SOX6: variants seen among roughly 807,000 people sequenced by gnomAD.
The protein encoded by SOX6 is transcription factor SOX-6.
Under a neutral mutation model 97.8 loss-of-function variants are expected in SOX6, and 11 were observed. The observed-to-expected ratio is 0.11, with a 90% CI of 0.07 to 0.19. The LOEUF is 0.19. Among genes scored for constraint, SOX6 ranks in the 10% least tolerant of loss-of-function variants. The probability of loss-of-function intolerance (pLI) is 1.00; values close to 1 mark genes in which losing one functional copy is unlikely to be tolerated. For missense variants in SOX6, 810 were observed against 1,039.5 expected (o/e 0.78, Z 3.04); for synonymous variants, 360 against 371.4 (o/e 0.97, Z 0.35).
intron 3 of SOX6, among the ~76,000 whole-genome samples, chr11:16,660,585 A>G (rs1847758695): frequency 6.6e-6 from 1 of 152,232 alleles, no homozygotes; most frequent in Non-Finnish European, 1.5e-5. Flanking sequence ...AGTATTCTCT[A>G]AATATCTGCT....
At chr11:16,582,771 T>C (rs1848042975) in intron 4 of SOX6, among the ~76,000 whole-genome samples, 1 of 152,068 alleles carries the variant, frequency 6.6e-6, no homozygotes, top group Non-Finnish European at 1.5e-5. Flanking sequence ...CAAGAAAGAA[T>C]AGAAAATATG....
intron 4 of SOX6, among the ~76,000 whole-genome samples, chr11:16,531,904 T>A (rs746164971): frequency 6.6e-6 from 1 of 151,958 alleles, no homozygotes; most frequent in African/African-American, 2.4e-5. Flanking sequence ...TTTTTCCTCA[T>A]GACATCCAAT....
At chr11:16,494,409 G>A (rs950874205) in intron 4 of SOX6, among the ~76,000 whole-genome samples, 2 of 152,026 alleles carry the variant, frequency 1.3e-5, no homozygotes, top group African/African-American at 4.8e-5. Context: ...TAAATAAAAT[G>A]AATGAGAAAG....
At chr11:16,523,419 G>A (rs1390466919) in intron 4 of SOX6, among the ~76,000 whole-genome samples, 1 of 152,152 alleles carries the variant, frequency 6.6e-6, no homozygotes, top group Non-Finnish European at 1.5e-5. Context: ...AAATAAAGAT[G>A]TTCTTTGAAA....
intron 3 of SOX6, among the ~76,000 whole-genome samples, chr11:16,631,703 T>G (rs10832655): frequency 0.33 from 50,682 of 151,994 alleles, 9,389 homozygotes; most frequent in Non-Finnish European, 0.42. Context: ...TCTCTTTATC[T>G]CTCAGAAATG....
At chr11:16,163,545 A>G (rs1394401866) in intron 6 of SOX6, among the ~76,000 whole-genome samples, 1 of 152,232 alleles carries the variant, frequency 6.6e-6, no homozygotes, top group East Asian at 1.9e-4. Flanking sequence ...CCAATATCTC[A>G]GGAAAAACAA....
intron 4 of SOX6, among the ~76,000 whole-genome samples, chr11:16,575,061 C>G (rs1847970192): frequency 6.7e-6 from 1 of 149,772 alleles, no homozygotes. Context: ...AAAAAAAAGG[C>G]AATGACCCAA....
At chr11:16,393,677 A>G (rs936428900) in intron 1 of SOX6, among the ~76,000 whole-genome samples, 4 of 152,012 alleles carry the variant, frequency 2.6e-5, no homozygotes, top group African/African-American at 9.7e-5. Context: ...TCAGGCAAGG[A>G]ATTAACCACT....
intron 14 of SOX6, among the ~76,000 whole-genome samples, chr11:15,988,510 C>T (rs984334308): frequency 6.6e-6 from 1 of 152,188 alleles, no homozygotes; most frequent in Admixed American, 6.5e-5. Context: ...CCATGAATTT[C>T]ATACCATTTT....
rs189334320 is a variant in SOX6 at position 16,115,610 on chromosome 11, A to T, written c.778-3687T>A. 6.6e-5 allele frequency among the ~76,000 whole-genome samples: 10 copies of T among 152,292 alleles called. No individual in the cohort carries two copies. The South Asian group carries it at 1.9e-3, about 28-fold the overall frequency. ...CTAATCCAAAGCTCACAATTTACACATAGGAAAACAGGTGGCTAGAGAAGG... is the reference window on the plus strand; with the variant it reads ...CTAATCCAAAGCTCACAATTTACACTTAGGAAAACAGGTGGCTAGAGAAGG... On this transcript the variant is annotated intron_variant, in intron 6 of 15. Transcript: ENST00000683767.
intron 3 of SOX6, among the ~76,000 whole-genome samples, chr11:16,653,269 A>G (rs954883590): frequency 2.0e-5 from 3 of 152,204 alleles, no homozygotes; most frequent in African/African-American, 7.2e-5. Flanking sequence ...ACTATTGGGT[A>G]TCTACCCAGA....
rs184563937 is a variant in SOX6, at chr11:16,616,752, G to A, written n.430-4492C>T. On this transcript the variant is annotated intron_variant and non_coding_transcript_variant, in intron 3 of 5. Coordinates refer to the SOX6 transcript ENST00000524520. ...ACAAGATGATATTTCATTCTATTTG[G>A]CACATACTATTGAAATTACCTGTTA... is the stretch of plus-strand genomic sequence containing the variant. Among the ~76,000 whole-genome samples the A allele has an allele frequency of 5.4e-4, 82 of 151,602 alleles. 1 individual carries two copies. The highest frequency in any genetic ancestry group is 7.1e-4 in the Non-Finnish European group (48 of 67,712).
chr11:16,447,663 C>T (rs1431826361), intron 1 of SOX6, among the ~76,000 whole-genome samples: 1 of 151,956 alleles, frequency 6.6e-6, no homozygotes, highest in Non-Finnish European at 1.5e-5. Flanking sequence ...AAATTAAGGT[C>T]CTGTGGAGGA....
chr11:16,333,963 T>G (rs1856385400), intron 2 of SOX6, among the ~76,000 whole-genome samples: 1 of 152,056 alleles, frequency 6.6e-6, no homozygotes, highest in Non-Finnish European at 1.5e-5. Flanking sequence ...AACATAAAAC[T>G]GAGGCAAATT....
At chr11:16,207,775 AT>A (rs1381368537) in intron 4 of SOX6, among the ~76,000 whole-genome samples, 3 of 151,694 alleles carry the variant, frequency 2.0e-5, no homozygotes, top group African/African-American at 7.3e-5. Flanking sequence ...GCACATTTGT[AT>A]TTTTAAAAAT....
intron 2 of SOX6, among the ~76,000 whole-genome samples, chr11:16,333,689 G>A (rs1056439487): frequency 6.6e-6 from 1 of 152,054 alleles, no homozygotes; most frequent in African/African-American, 2.4e-5. Flanking sequence ...AGACTCACTA[G>A]ACTAGATTCA....
At chr11:16,402,542 A>T in intron 1 of SOX6, 3 of 1,074,986 alleles carry the variant, frequency 2.8e-6, no homozygotes, top group Non-Finnish European at 4.3e-6. Flanking sequence ...CACAGAAGCA[A>T]ACCACCCAAA....
At chr11:16,276,878 C>T (rs1347095006) in intron 3 of SOX6, among the ~76,000 whole-genome samples, 3 of 152,112 alleles carry the variant, frequency 2.0e-5, no homozygotes, top group Non-Finnish European at 4.4e-5. Flanking sequence ...AATTTTGTCA[C>T]CTGAAGTATA....
At chr11:16,108,213 A>G in intron 7 of SOX6, among the ~76,000 whole-genome samples, 1 of 152,142 alleles carries the variant, frequency 6.6e-6, no homozygotes, top group East Asian at 1.9e-4. Context: ...TATTATTATC[A>G]TATATTATCA....
Sources: allele counts gnomAD v4.1 joint callset (sites outside exome capture counted in the v4.1 genomes callset), GRCh38; gene constraint gnomAD v4.1.1; transcripts MANE v1.5; gene names NCBI Gene and HGNC (gene_info 2026-07-23, HGNC 2026-07-21).